The following MTMR4 variants were observed in gnomAD, a reference collection of about 807,000 sequenced individuals.
MTMR4 encodes myotubularin related protein 4.
MTMR4 carries 30 observed loss-of-function variants against 125.5 expected under a neutral mutation model. That is an observed-to-expected ratio of 0.24 (90% CI 0.18 to 0.32). MTMR4 has a LOEUF of 0.32. MTMR4 is among the 10% of genes least tolerant of loss of function. MTMR4 has a pLI of 1.00. For missense variants in MTMR4, 1,039 were observed against 1,511.5 expected (o/e 0.69, Z 5.18); for synonymous variants, 498 against 564.5 (o/e 0.88, Z 1.67).
intron 4 of MTMR4, among the ~76,000 whole-genome samples, chr17:58,509,585 A>T (rs1975872157): frequency 6.6e-6 from 1 of 151,546 alleles, no homozygotes; most frequent in South Asian, 2.1e-4. Context: ...CGTCTGGCTA[A>T]CTTTTTAAAT....
chr17:58,504,009 G>C lies in MTMR4; in HGVS notation c.1698+41C>G, dbSNP rs1975710678. Reference sequence around the variant, plus strand: ...ACTGACTCAGCTGCTTCTCCCTATAGGTTTCTAAATAGCACCTACAGGAAA... The same window carrying C: ...ACTGACTCAGCTGCTTCTCCCTATACGTTTCTAAATAGCACCTACAGGAAA... On this transcript the variant is annotated intron_variant, in intron 13 of 17. Transcript: ENST00000682306. This position sits in a 1 kb window ranked among gnomAD's most constrained non-coding sequence, Gnocchi z 7.1. 6.5e-7 allele frequency: 1 copy of C among 1,538,694 alleles called. No individual in the cohort carries two copies. Among genetic ancestry groups the C allele is most frequent in the African/African-American group, 1.4e-5 (1 of 72,410 alleles).
At chr17:58,507,082 G>A in intron 8 of MTMR4, 41 bp downstream of exon 8, 3 of 1,609,608 alleles carry the variant, frequency 1.9e-6, no homozygotes, top group Non-Finnish European at 2.6e-6. Flanking sequence ...AGCCAAGGAG[G>A]GGGCCTGCTC....
At chr17:58,513,038 C>A in intron 1 of MTMR4, 97 bp from the exon 2 acceptor site, 1 of 839,230 alleles carries the variant, frequency 1.2e-6, no homozygotes, top group South Asian at 1.4e-5. Context: ...GATACCCACA[C>A]ACACACACCT....
At chr17:58,501,212 T>G (rs1975617405) in intron 14 of MTMR4, among the ~76,000 whole-genome samples, 1 of 152,206 alleles carries the variant, frequency 6.6e-6, no homozygotes, top group Non-Finnish European at 1.5e-5. Context: ...TATTTTAACT[T>G]TAAAAACTTT....
At chr17:58,498,480 C>T (rs1275699457) in intron 14 of MTMR4, among the ~76,000 whole-genome samples, 4 of 133,680 alleles carry the variant, frequency 3.0e-5, no homozygotes, top group African/African-American at 1.1e-4. Flanking sequence ...GTGTTTATGA[C>T]TTTAATGGAA....
chr17:58,499,246 A>AC (rs1975554801), intron 14 of MTMR4, among the ~76,000 whole-genome samples: 1 of 151,576 alleles, frequency 6.6e-6, no homozygotes, highest in East Asian at 1.9e-4. Context: ...TTTTTTTAAA[A>AC]AAAAAAAAAC....
Position 58,489,943 on chromosome 17 carries a change from C to A in MTMR4, c.*1720G>T, listed in dbSNP as rs1277590874. 5 of 152,550 alleles carry A rather than the reference C, an allele frequency of 3.3e-5. No individual in the cohort carries two copies. The highest frequency in any genetic ancestry group is 9.7e-5 in the African/African-American group (4 of 41,438). The allele number at this position is 152,550 out of a possible 1,614,324, so 9.4% of individuals were successfully genotyped here. ...ATCAGAAACAAGGAACAGCTTGTTA[C>A]TTTTTCAATGATCTCAGGAATTTTG... On this transcript the variant is annotated 3_prime_UTR_variant, in exon 18 of 18. Transcript: ENST00000682306.
At chr17:58,494,026 ACT>A (rs1408431809) in intron 15 of MTMR4, among the ~76,000 whole-genome samples, 3 of 151,800 alleles carry the variant, frequency 2.0e-5, no homozygotes, top group Non-Finnish European at 4.4e-5. Context: ...AAAATTGTAC[ACT>A]GTTGGGCCGG....
rs564934716 is a variant in MTMR4 at position 58,492,622 on chromosome 17, A to G, written c.3364-23T>C. The G allele has an allele frequency of 3.2e-5, 51 of 1,609,548 alleles. No homozygotes were observed. The South Asian group carries it at 5.4e-4, about 17-fold the overall frequency. ...CACCTAATAGAAGGCACAAAGAAAA[A>G]TTCCTGGTCCTTGTTGACAGACTGG... On this transcript the variant is annotated intron_variant, in intron 16 of 17. Transcript: ENST00000682306.
chr17:58,514,442 C>T lies in MTMR4; in HGVS notation c.-35G>A. ...CGGTCTGGGCCAGCGCACATGTCCC[C>T]GGAGCCGCTGCGCTGCCCGCCAGCC... On this transcript the variant is annotated 5_prime_UTR_variant, in exon 1 of 18. Coordinates refer to ENST00000682306, the MANE Select transcript of MTMR4 (RefSeq NM_001378067.1). 3.0e-6 allele frequency: 3 copies of T among 985,364 alleles called. No homozygotes were observed. The highest frequency in any genetic ancestry group is 1.2e-6 in the Non-Finnish European group (1 of 829,762). The allele number at this position is 985,364 out of a possible 1,614,324, so 61.0% of individuals were successfully genotyped here. A position where few individuals can be genotyped will look rare whatever the true frequency, so the allele number is the denominator to read the frequency against.
In MTMR4 at chr17:58,508,543, T is replaced by C; in HGVS notation, c.518A>G (p.Gln173Arg). 1 of 1,614,254 alleles carries C rather than the reference T, an allele frequency of 6.2e-7. No individual in the cohort carries two copies. Among genetic ancestry groups the C allele is most frequent in the Non-Finnish European group, 8.5e-7 (1 of 1,180,046 alleles). ...GCCCATCCTTGCAAGCTCCGCCTCC[T>C]GTCGACAACGTATGTGCTCACCTGC... is the stretch of plus-strand genomic sequence containing the variant. ...CQPGEHIRCR[Q>R]EAELARMGFD... The change falls in exon 6 of 18, where the codon CAG (glutamine) becomes CGG (arginine). Residue 173 changes from glutamine (Q) to arginine (R), a missense_variant. Physicochemically the swap from Gln to Arg is conservative, Grantham distance 43. Coordinates refer to ENST00000682306, the MANE Select transcript of MTMR4 (RefSeq NM_001378067.1). The surrounding 1 kb of genome is among the most constrained non-coding windows in gnomAD (Gnocchi z 4.8).
upstream of MTMR4, among the ~76,000 whole-genome samples, chr17:58,518,648 C>A (rs936818397): frequency 1.8e-4 from 28 of 152,200 alleles, no homozygotes; most frequent in African/African-American, 6.5e-4. Context: ...CAGCTAGCTG[C>A]GGCCTCCTAG....
intron 14 of MTMR4, among the ~76,000 whole-genome samples, chr17:58,499,922 G>A (rs528596167): frequency 2.2e-4 from 33 of 151,028 alleles, no homozygotes; most frequent in African/African-American, 5.8e-4. Context: ...GAGCCACCAC[G>A]CCCAGCCATT....
At position 58,503,734 on chromosome 17, in the gene MTMR4, CT is replaced by C; in HGVS notation, c.1853+9del. 1 of 1,608,536 alleles carries C rather than the reference CT, an allele frequency of 6.2e-7. No homozygotes were observed. Among genetic ancestry groups the C allele is most frequent in the Non-Finnish European group, 8.5e-7 (1 of 1,177,004 alleles). ...TGGAGAGAGGAGAAAGGAAGAAGGGCTTTTCTTACCTGTCCAGAGAGCGGCC... is the reference window on the plus strand; with the variant it reads ...TGGAGAGAGGAGAAAGGAAGAAGGGCTTTCTTACCTGTCCAGAGAGCGGCC... On this transcript the variant is annotated intron_variant, in intron 14 of 17. Coordinates refer to ENST00000682306, the MANE Select transcript of MTMR4 (RefSeq NM_001378067.1).
chr17:58,512,757 G>C lies in MTMR4; in HGVS notation c.135+95C>G. ...CCAGGGAACATGAAGCCAGAGCTCT[G>C]GTACCAGATGCCCTTGAGGATTTTT... On this transcript the variant is annotated intron_variant, in intron 2 of 17. Coordinates refer to ENST00000682306, the MANE Select transcript of MTMR4 (RefSeq NM_001378067.1). This position sits in a 1 kb window ranked among gnomAD's most constrained non-coding sequence, Gnocchi z 4.1. 1 of 1,087,586 alleles carries C rather than the reference G, an allele frequency of 9.2e-7. No individual in the cohort carries two copies. Among genetic ancestry groups the C allele is most frequent in the East Asian group, 2.4e-5 (1 of 42,212 alleles). The allele number at this position is 1,087,586 out of a possible 1,614,324, so 67.4% of individuals were successfully genotyped here.
chr17:58,512,447 G>A lies in MTMR4; in HGVS notation c.195C>T (p.Ala65=), dbSNP rs752836857. The change falls in exon 3 of 18, where the codon GCC becomes GCT. Residue 65 remains alanine, a synonymous_variant. Transcript: ENST00000682306. This position sits in a 1 kb window ranked among gnomAD's most constrained non-coding sequence, Gnocchi z 4.1. ...GCCGGTAGTTAGAGATGGCAATGAG[G>A]GCATCGGCTGCCCGGCCCAGGAACT... ...GVEFLGRAAD[A]LIAISNYRLH... 1.2e-6 allele frequency: 2 copies of A among 1,614,150 alleles called. No homozygotes were observed. Among genetic ancestry groups the A allele is most frequent in the Non-Finnish European group, 1.7e-6 (2 of 1,180,022 alleles).
Position 58,504,388 on chromosome 17 carries a change from C to A in MTMR4, c.1442G>T (p.Cys481Phe). Residue 481 changes from cysteine (C) to phenylalanine (F), a missense_variant, in exon 12 of 18, where the codon TGC becomes TTC. Physicochemically the swap from Cys to Phe is radical, Grantham distance 205. Around this residue, in one of 6 missense-constraint regions of MTMR4, gnomAD observed 107 missense variants for 267.4 expected, o/e 0.40. Coordinates refer to ENST00000682306, the MANE Select transcript of MTMR4 (RefSeq NM_001378067.1). The surrounding 1 kb of genome is among the most constrained non-coding windows in gnomAD (Gnocchi z 7.1). ...ATCAAGCCACTGGAGGAACACAGGG[C>A]ATTGTTCGTTTTGGTCCTCCACATT... ...QENVEDQNEQ[C>F]PVFLQWLDSV... is the part of the protein sequence containing the mutation. 6.2e-7 allele frequency: 1 copy of A among 1,614,156 alleles called. No individual in the cohort carries two copies. Among genetic ancestry groups the A allele is most frequent in the African/African-American group, 1.3e-5 (1 of 75,046 alleles).
In MTMR4 at chr17:58,495,749, A is replaced by G. The variant is rs774252266; in HGVS notation, c.2435T>C (p.Met812Thr). 1 of 1,614,156 alleles carries G rather than the reference A, an allele frequency of 6.2e-7. No homozygotes were observed. The highest frequency in any genetic ancestry group is 1.1e-5 in the South Asian group (1 of 91,088). Residue 812 changes from methionine (M) to threonine (T), a missense_variant, in exon 15 of 18, where the codon ATG (methionine) becomes ACG (threonine). Met to Thr is a moderately conservative substitution (Grantham distance 81). Coordinates refer to ENST00000682306, the MANE Select transcript of MTMR4 (RefSeq NM_001378067.1). Reference protein sequence around the residue: ...GTPQQAQPDSMLGVPSKCVLD... With the variant: ...GTPQQAQPDSTLGVPSKCVLD... Reference sequence around the variant, plus strand: ...AACACACTTGGAGGGCACACCTAGCATGGAGTCTGGCTGGGCCTGTTGGGG... The same window carrying G: ...AACACACTTGGAGGGCACACCTAGCGTGGAGTCTGGCTGGGCCTGTTGGGG...
upstream of MTMR4, chr17:58,514,741 G>T (rs1976039326): frequency 1.1e-6 from 1 of 904,640 alleles, no homozygotes; most frequent in African/African-American, 1.8e-5. Flanking sequence ...CCCTCCCCGC[G>T]GACCCTGGGC....
Sources: allele counts gnomAD v4.1 joint callset (sites outside exome capture counted in the v4.1 genomes callset), GRCh38; gene constraint gnomAD v4.1.1; regional missense constraint gnomAD v4.1.1; non-coding constraint Gnocchi (gnomAD v3.1); transcripts MANE v1.5; gene names NCBI Gene and HGNC (gene_info 2026-07-23, HGNC 2026-07-21).